NRXN3: variants seen among roughly 807,000 people sequenced by gnomAD.
NRXN3 encodes the protein neurexin III.
Under a neutral mutation model 137.6 loss-of-function variants are expected in NRXN3, and 32 were observed. The ratio of observed to expected loss-of-function variants is 0.23; its 90% CI spans 0.18 to 0.31. NRXN3 has a LOEUF of 0.31. Ranked by LOEUF, NRXN3 falls within the 10% of genes least tolerant of loss-of-function variation. NRXN3 has a pLI of 1.00. For synonymous variants in NRXN3, 798 were observed against 784.5 expected (o/e 1.02, Z -0.29); for missense variants, 1,574 against 2,062.5 (o/e 0.76, Z 4.59).
chr14:78,204,587 A>G (rs1232461481), intron 1 of NRXN3, among the ~76,000 whole-genome samples: 1 of 152,208 alleles, frequency 6.6e-6, no homozygotes, highest in African/African-American at 2.4e-5. Flanking sequence ...GCTATCATCA[A>G]AATAACTTAA....
At chr14:78,763,537 C>T (rs1352330859) in intron 8 of NRXN3, among the ~76,000 whole-genome samples, 4 of 151,732 alleles carry the variant, frequency 2.6e-5, no homozygotes, top group Non-Finnish European at 4.4e-5. Context: ...TAGCTAAATA[C>T]CAAGCACTGT....
At chr14:79,575,536 A>G (rs2097655922) in intron 16 of NRXN3, among the ~76,000 whole-genome samples, 1 of 152,188 alleles carries the variant, frequency 6.6e-6, no homozygotes, top group African/African-American at 2.4e-5. Context: ...AAGGCTCTAT[A>G]TTTTATTTAA....
At chr14:79,393,630 C>T (rs1238233662) in intron 15 of NRXN3, among the ~76,000 whole-genome samples, 11 of 152,124 alleles carry the variant, frequency 7.2e-5, no homozygotes, top group East Asian at 3.9e-4. Context: ...CTGGCTAACA[C>T]GGTGAAACCC....
chr14:78,568,808 A>T (rs933174225), intron 4 of NRXN3, among the ~76,000 whole-genome samples: 2 of 152,138 alleles, frequency 1.3e-5, no homozygotes, highest in Non-Finnish European at 2.9e-5. Context: ...ATACCACAAC[A>T]TCTGGAGACA....
At chr14:79,015,583 A>C (rs1426211566) in intron 15 of NRXN3, among the ~76,000 whole-genome samples, 1 of 152,152 alleles carries the variant, frequency 6.6e-6, no homozygotes, top group East Asian at 1.9e-4. Flanking sequence ...CCCAACCCAA[A>C]GTAAAGAGAG....
intron 10 of NRXN3, among the ~76,000 whole-genome samples, chr14:78,826,201 G>A (rs984518540): frequency 6.6e-6 from 1 of 152,072 alleles, no homozygotes; most frequent in African/African-American, 2.4e-5. Context: ...TTGTTCTAAA[G>A]GCAGAATGAA....
intron 16 of NRXN3, among the ~76,000 whole-genome samples, chr14:79,521,938 G>T (rs1435950097): frequency 4.6e-5 from 7 of 152,130 alleles, no homozygotes; most frequent in Non-Finnish European, 8.8e-5. Flanking sequence ...GTATAGTTTG[G>T]CTGGATATAA....
intron 19 of NRXN3, among the ~76,000 whole-genome samples, chr14:79,750,404 A>G (rs1395533670): frequency 6.6e-6 from 1 of 152,026 alleles, no homozygotes; most frequent in African/African-American, 2.4e-5. Flanking sequence ...ACCAATGTAG[A>G]CTCTGTTATG....
At chr14:78,839,077 C>T (rs2099005025) in intron 10 of NRXN3, among the ~76,000 whole-genome samples, 2 of 152,070 alleles carry the variant, frequency 1.3e-5, no homozygotes, top group South Asian at 4.1e-4. Flanking sequence ...GAGACAGATA[C>T]TAAAATAAAT....
chr14:79,690,526 A>T (rs1032560749), intron 17 of NRXN3, among the ~76,000 whole-genome samples: 7 of 152,110 alleles, frequency 4.6e-5, no homozygotes, highest in Non-Finnish European at 7.4e-5. Context: ...TTAATATGTT[A>T]TACCCTGTAC....
chr14:79,465,217 C>T (rs984965426), intron 15 of NRXN3, among the ~76,000 whole-genome samples: 3 of 151,992 alleles, frequency 2.0e-5, no homozygotes, highest in Admixed American at 6.6e-5. Context: ...ACAGATGGAG[C>T]GATATCAAGG....
At chr14:78,953,498 A>G (rs2099390881) in intron 10 of NRXN3, among the ~76,000 whole-genome samples, 1 of 152,186 alleles carries the variant, frequency 6.6e-6, no homozygotes, top group African/African-American at 2.4e-5. Context: ...ATGAGTTTTC[A>G]ATGAGGATAG....
At chr14:78,478,964 A>G (rs949105753) in intron 4 of NRXN3, among the ~76,000 whole-genome samples, 3 of 152,314 alleles carry the variant, frequency 2.0e-5, no homozygotes, top group Middle Eastern at 3.4e-3. Context: ...GTTAGTTGTC[A>G]TATCACCAAC....
At chr14:78,974,734 A>G (rs2099457869) in intron 14 of NRXN3, among the ~76,000 whole-genome samples, 1 of 152,038 alleles carries the variant, frequency 6.6e-6, no homozygotes, top group African/African-American at 2.4e-5. Context: ...TTTTATAGGA[A>G]AAGCTTTTAG....
intron 15 of NRXN3, among the ~76,000 whole-genome samples, chr14:78,991,597 C>G (rs1200919178): frequency 2.0e-5 from 3 of 152,176 alleles, no homozygotes; most frequent in Non-Finnish European, 2.9e-5. Context: ...AAAACTGAAA[C>G]TTACTCAACA....
intron 4 of NRXN3, among the ~76,000 whole-genome samples, chr14:78,447,544 C>A (rs551786530): frequency 6.6e-6 from 1 of 152,274 alleles, no homozygotes; most frequent in South Asian, 2.1e-4. Context: ...AGGGGCCAGC[C>A]CTTGTCTGGA....
At chr14:78,818,760 T>A (rs2098942034) in intron 10 of NRXN3, among the ~76,000 whole-genome samples, 1 of 152,164 alleles carries the variant, frequency 6.6e-6, no homozygotes. Context: ...TAGGAATTTA[T>A]ACTGCAAATT....
intron 4 of NRXN3, among the ~76,000 whole-genome samples, chr14:78,341,187 G>A (rs2082110119): frequency 6.6e-6 from 1 of 152,096 alleles, no homozygotes; most frequent in African/African-American, 2.4e-5. Flanking sequence ...TGGGTGTTTT[G>A]GGGGGAATTG....
intron 15 of NRXN3, among the ~76,000 whole-genome samples, chr14:79,432,918 G>A (rs1438503398): frequency 2.6e-5 from 4 of 152,314 alleles, no homozygotes; most frequent in African/African-American, 9.6e-5. Flanking sequence ...TATGGACTGA[G>A]GGTGAGGGGA....
Sources: allele counts gnomAD v4.1 joint callset (sites outside exome capture counted in the v4.1 genomes callset), GRCh38; gene constraint gnomAD v4.1.1; transcripts MANE v1.5; gene names NCBI Gene and HGNC (gene_info 2026-07-23, HGNC 2026-07-21).